The following SLC24A3 variants were observed in gnomAD, a reference collection of about 807,000 sequenced individuals.
SLC24A3 encodes the protein sodium/potassium/calcium exchanger 3.
Under a neutral mutation model 75.8 loss-of-function variants are expected in SLC24A3, and 28 were observed. That is an observed-to-expected ratio of 0.37 (90% CI 0.27 to 0.51). The LOEUF (loss-of-function observed/expected upper bound fraction) is 0.51. SLC24A3 is among the 20% of genes least tolerant of loss of function. SLC24A3 has a pLI of 0.94. For missense variants in SLC24A3, 663 were observed against 847.8 expected (o/e 0.78, Z 2.71); for synonymous variants, 372 against 334.1 (o/e 1.11, Z -1.24).
intron 2 of SLC24A3, among the ~76,000 whole-genome samples, chr20:19,512,060 A>G (rs990310295): frequency 6.6e-6 from 1 of 152,202 alleles, no homozygotes; most frequent in African/African-American, 2.4e-5. Context: ...TGTGCTGCTG[A>G]CTGTGCCAGA....
intron 2 of SLC24A3, among the ~76,000 whole-genome samples, chr20:19,415,262 T>C (rs1404277831): frequency 6.6e-6 from 1 of 152,224 alleles, no homozygotes; most frequent in African/African-American, 2.4e-5. Context: ...TCATCCTGCA[T>C]GTTCATTGTA....
chr20:19,429,179 C>A (rs1237420445), intron 2 of SLC24A3, among the ~76,000 whole-genome samples: 1 of 152,218 alleles, frequency 6.6e-6, no homozygotes, highest in Non-Finnish European at 1.5e-5. Flanking sequence ...GCAAGCAACT[C>A]AACTATCCTC....
At chr20:19,392,976 A>C (rs1462356845) in intron 2 of SLC24A3, among the ~76,000 whole-genome samples, 2 of 152,092 alleles carry the variant, frequency 1.3e-5, no homozygotes, top group Non-Finnish European at 2.9e-5. Flanking sequence ...ACAAAAATAT[A>C]CCTCACTTCC....
At chr20:19,470,511 G>A (rs141566453) in intron 2 of SLC24A3, among the ~76,000 whole-genome samples, 79 of 152,254 alleles carry the variant, frequency 5.2e-4, no homozygotes, top group African/African-American at 1.8e-3. Context: ...CTGGGGAATG[G>A]TCACTCAGAT....
intron 2 of SLC24A3, among the ~76,000 whole-genome samples, chr20:19,501,526 T>A (rs1233118938): frequency 6.6e-6 from 1 of 152,190 alleles, no homozygotes; most frequent in Admixed American, 6.5e-5. Flanking sequence ...GCAGGAAACA[T>A]CTAAGAGATC....
chr20:19,369,633 A>G (rs1985957866), intron 2 of SLC24A3, among the ~76,000 whole-genome samples: 1 of 152,122 alleles, frequency 6.6e-6, no homozygotes, highest in South Asian at 2.1e-4. Flanking sequence ...ATGAAATAGA[A>G]TGTCCTGTTC....
Position 19,681,995 on chromosome 20 carries a change from A to G in SLC24A3, c.901+4A>G, listed in dbSNP as rs1410291620. On this transcript the variant is annotated splice_donor_region_variant and intron_variant, in intron 10 of 16. Transcript: ENST00000328041. ...ACTGTGGTGCTACTTAAGAAAGGTA[A>G]CCAAGGAGAGCACTTTGGGGTCCAA... 1 of 1,613,664 alleles carries G rather than the reference A, an allele frequency of 6.2e-7. No homozygotes were observed. The highest frequency in any genetic ancestry group is 8.5e-7 in the Non-Finnish European group (1 of 1,179,908).
intron 2 of SLC24A3, among the ~76,000 whole-genome samples, chr20:19,299,261 A>G (rs931596513): frequency 6.6e-6 from 1 of 150,796 alleles, no homozygotes; most frequent in Non-Finnish European, 1.5e-5. Context: ...ACCTCAGCCC[A>G]TTATTTTTCA....
chr20:19,706,470 C>A (rs547000826), intron 15 of SLC24A3, among the ~76,000 whole-genome samples: 1 of 152,028 alleles, frequency 6.6e-6, no homozygotes, highest in African/African-American at 2.4e-5. Flanking sequence ...CCAAGATTAT[C>A]AGGACAAGCA....
chr20:19,437,841 G>A (rs979629895), intron 2 of SLC24A3, among the ~76,000 whole-genome samples: 1 of 152,130 alleles, frequency 6.6e-6, no homozygotes, highest in African/African-American at 2.4e-5. Context: ...CCTGCTCTTT[G>A]GGGCATGGTG....
chr20:19,500,474 C>G (rs903258416), intron 2 of SLC24A3, among the ~76,000 whole-genome samples: 2 of 151,996 alleles, frequency 1.3e-5, no homozygotes, highest in Non-Finnish European at 2.9e-5. Flanking sequence ...TTTATGTGAG[C>G]TAGGCAAGAA....
intron 1 of SLC24A3, among the ~76,000 whole-genome samples, chr20:19,261,322 T>C (rs1982978956): frequency 6.6e-6 from 1 of 152,070 alleles, no homozygotes; most frequent in South Asian, 2.1e-4. Flanking sequence ...TGGTGAGCAT[T>C]CATTGTCCCA....
At chr20:19,654,409 T>C (rs1186547831) in intron 7 of SLC24A3, among the ~76,000 whole-genome samples, 1 of 152,016 alleles carries the variant, frequency 6.6e-6, no homozygotes, top group Non-Finnish European at 1.5e-5. Flanking sequence ...AGCATGGCTC[T>C]TCTGTCGCTT....
rs146810338 is a variant in SLC24A3 at position 19,594,115 on chromosome 20, G to A, written c.612+8571G>A. On this transcript the variant is annotated intron_variant, in intron 6 of 16. Coordinates refer to ENST00000328041, the MANE Select transcript of SLC24A3 (RefSeq NM_020689.4). ...CTCCACCCTTGGGCAAAAAAGCACT[G>A]GAAAGCTTCCCCTGGTAAAAGGGCA... 1.5e-3 allele frequency among the ~76,000 whole-genome samples: 221 copies of A among 152,274 alleles called. 1 individual carries two copies. Among genetic ancestry groups the A allele is most frequent in the African/African-American group, 5.1e-3 (212 of 41,554 alleles).
At chr20:19,485,472 A>G (rs1015144150) in intron 2 of SLC24A3, among the ~76,000 whole-genome samples, 1 of 152,200 alleles carries the variant, frequency 6.6e-6, no homozygotes, top group African/African-American at 2.4e-5. Flanking sequence ...TCTCATAGGA[A>G]AACACCTGCT....
At chr20:19,517,486 C>T (rs2030019253) in intron 3 of SLC24A3, among the ~76,000 whole-genome samples, 1 of 152,188 alleles carries the variant, frequency 6.6e-6, no homozygotes, top group African/African-American at 2.4e-5. Flanking sequence ...TAGTGCATTT[C>T]CAGGCTGGCA....
chr20:19,402,934 G>C (rs531788015), intron 2 of SLC24A3, among the ~76,000 whole-genome samples: 178 of 152,300 alleles, frequency 1.2e-3, no homozygotes, highest in African/African-American at 4.0e-3. Flanking sequence ...CTTGAGCACT[G>C]GAAATGTGAC....
chr20:19,547,728 C>T (rs2030624534), intron 3 of SLC24A3, among the ~76,000 whole-genome samples: 1 of 152,252 alleles, frequency 6.6e-6, no homozygotes, highest in Non-Finnish European at 1.5e-5. Context: ...GCCCTGAGCC[C>T]AGCTCAGATG....
At chr20:19,278,002 A>AGATG (rs149522933) in intron 1 of SLC24A3, among the ~76,000 whole-genome samples, 3,402 of 152,298 alleles carry the variant, frequency 0.022, 137 homozygotes, top group African/African-American at 0.077. Flanking sequence ...GGTACTGTGT[A>AGATG]GATGGGCAGA....
Sources: allele counts gnomAD v4.1 joint callset (sites outside exome capture counted in the v4.1 genomes callset), GRCh38; gene constraint gnomAD v4.1.1; transcripts MANE v1.5; gene names NCBI Gene and HGNC (gene_info 2026-07-23, HGNC 2026-07-21).